Variants in CSMD1 observed in about 807,000 individuals in gnomAD.
CSMD1 encodes the protein CUB and Sushi multiple domains 1, also known as CUB and sushi domain-containing protein 1.
Under a neutral mutation model 417.5 loss-of-function variants are expected in CSMD1, and 213 were observed. The observed-to-expected ratio is 0.51, with a 90% CI of 0.46 to 0.57. The LOEUF (loss-of-function observed/expected upper bound fraction) is 0.57, where lower values mean the gene tolerates loss of function less well. CSMD1 is among the 20% of genes least tolerant of loss of function. The pLI is 0.00. For missense variants in CSMD1, 6,923 were observed against 4,529.7 expected, an observed-to-expected ratio of 1.53 and a Z score of -15.17; for synonymous variants, 2,862 against 1,736.8, an observed-to-expected ratio of 1.65 and a Z score of -16.11.
Position 4,944,805 on chromosome 8 carries a change from G to A in CSMD1, c.85+49527C>T, listed in dbSNP as rs1013894003. ...AACCCGCTGCACTCTTGGTGGGAAT[G>A]CAAAATGGTGCGTGGTGGCTACTGT... On this transcript the variant is annotated intron_variant, in intron 1 of 69. Transcript: ENST00000635120. Among the ~76,000 whole-genome samples the A allele has an allele frequency of 4.6e-5, 7 of 152,280 alleles. No homozygotes were observed. In the South Asian group the frequency reaches 1.2e-3, roughly 27 times the overall value.
At chr8:3,850,420 C>T (rs567782973) in intron 5 of CSMD1, among the ~76,000 whole-genome samples, 1 of 152,192 alleles carries the variant, frequency 6.6e-6, no homozygotes, top group Non-Finnish European at 1.5e-5. Context: ...TTAAGCCTGG[C>T]ATGGTGGCTC....
At chr8:3,104,487 G>T (rs1344676765) in intron 46 of CSMD1, among the ~76,000 whole-genome samples, 2 of 151,890 alleles carry the variant, frequency 1.3e-5, no homozygotes, top group Non-Finnish European at 1.5e-5. Flanking sequence ...TCAGGTAGCG[G>T]TTTCCTGTAA....
At chr8:4,589,069 A>G (rs949972153) in intron 2 of CSMD1, among the ~76,000 whole-genome samples, 1 of 152,122 alleles carries the variant, frequency 6.6e-6, no homozygotes, top group Non-Finnish European at 1.5e-5. Flanking sequence ...GTAAAAATAG[A>G]AAAATAAAAA....
At chr8:4,705,487 A>G (rs1807874419) in intron 1 of CSMD1, among the ~76,000 whole-genome samples, 1 of 152,106 alleles carries the variant, frequency 6.6e-6, no homozygotes. Flanking sequence ...TACAATTGCA[A>G]TTATCCTCTC....
chr8:4,001,884 G>C (rs936556471), intron 4 of CSMD1, among the ~76,000 whole-genome samples: 9 of 150,688 alleles, frequency 6.0e-5, no homozygotes, highest in African/African-American at 1.2e-4. Flanking sequence ...AAACAATTAA[G>C]GTAGCACAGA....
chr8:4,244,136 A>C (rs1033516828), intron 3 of CSMD1, among the ~76,000 whole-genome samples: 1 of 152,200 alleles, frequency 6.6e-6, no homozygotes, highest in Non-Finnish European at 1.5e-5. Context: ...TTCGCGCAGC[A>C]CAAGTAGATT....
chr8:3,489,965 TTTAA>T (rs1291763563), intron 11 of CSMD1, among the ~76,000 whole-genome samples: 2 of 152,250 alleles, frequency 1.3e-5, no homozygotes, highest in Non-Finnish European at 2.9e-5. Context: ...CTGACTAGTA[TTTAA>T]ACTATTCCAG....
intron 1 of CSMD1, among the ~76,000 whole-genome samples, chr8:4,878,478 G>A (rs558011556): frequency 2.0e-5 from 3 of 151,890 alleles, no homozygotes; most frequent in East Asian, 1.9e-4. Flanking sequence ...AGGTAAGACA[G>A]CATAGAATCA....
chr8:3,846,873 T>C (rs200755186), intron 5 of CSMD1, among the ~76,000 whole-genome samples: 8 of 152,088 alleles, frequency 5.3e-5, no homozygotes, highest in Admixed American at 3.3e-4. Context: ...CAGGGTTTCA[T>C]CATGTTGGCC....
chr8:3,238,322 G>C (rs1403036994), intron 26 of CSMD1, among the ~76,000 whole-genome samples: 1 of 152,220 alleles, frequency 6.6e-6, no homozygotes, highest in South Asian at 2.1e-4. Context: ...AATGTCATCA[G>C]TTAAGGCAGG....
intron 3 of CSMD1, among the ~76,000 whole-genome samples, chr8:4,239,638 G>A (rs1241650984): frequency 6.6e-6 from 1 of 152,178 alleles, no homozygotes; most frequent in Non-Finnish European, 1.5e-5. Context: ...CCAAACTGCT[G>A]CAGCCATGCT....
intron 12 of CSMD1, among the ~76,000 whole-genome samples, chr8:3,468,405 G>A (rs577763287): frequency 6.6e-6 from 1 of 152,114 alleles, no homozygotes; most frequent in Admixed American, 6.6e-5. Flanking sequence ...AGAGACACCA[G>A]CCAATATGAT....
intron 5 of CSMD1, among the ~76,000 whole-genome samples, chr8:3,981,932 G>A (rs998362816): frequency 6.6e-6 from 1 of 152,050 alleles, no homozygotes; most frequent in African/African-American, 2.4e-5. Flanking sequence ...GGCACTTTGG[G>A]AGGCCGAGGC....
At chr8:3,361,575 C>G (rs1411456955) in intron 20 of CSMD1, among the ~76,000 whole-genome samples, 2 of 149,116 alleles carry the variant, frequency 1.3e-5, no homozygotes, top group East Asian at 4.0e-4. Context: ...TCGCTTGAAC[C>G]CTGGAGGTGG....
intron 5 of CSMD1, among the ~76,000 whole-genome samples, chr8:3,942,840 A>G (rs1369124855): frequency 2.0e-5 from 3 of 152,202 alleles, no homozygotes; most frequent in African/African-American, 7.2e-5. Context: ...TGATTGAGCT[A>G]TAGTATCGTC....
chr8:3,409,464 T>C lies in CSMD1; in HGVS notation c.1703A>G (p.Gln568Arg), dbSNP rs1309719164. The C allele has an allele frequency of 6.2e-7, 1 of 1,611,650 alleles. No homozygotes were observed. The highest frequency in any genetic ancestry group is 8.5e-7 in the Non-Finnish European group (1 of 1,179,004). Residue 568 changes from glutamine (Q) to arginine (R), a missense_variant, in exon 13 of 70, where the codon CAG becomes CGG. Transcript: ENST00000635120. The part of the protein sequence containing the change: ...ELVGERVITC[Q>R]QNNQWSGNKP... ...GTTGCCAGACCACTGATTGTTCTGC[T>C]GACAGGTGATAACTCTCTCCCCCAC...
At chr8:3,945,968 A>G (rs150724749) in intron 5 of CSMD1, among the ~76,000 whole-genome samples, 1 of 152,128 alleles carries the variant, frequency 6.6e-6, no homozygotes, top group African/African-American at 2.4e-5. Context: ...ATTTATTGAA[A>G]GGTTATGTTC....
At chr8:4,394,967 A>G (rs955317946) in intron 3 of CSMD1, among the ~76,000 whole-genome samples, 50 of 152,194 alleles carry the variant, frequency 3.3e-4, no homozygotes, top group Non-Finnish European at 1.2e-4. Flanking sequence ...GGGAAGAGTT[A>G]ATTCACAGTT....
chr8:4,092,262 T>A (rs534907823), intron 3 of CSMD1, among the ~76,000 whole-genome samples: 22 of 152,258 alleles, frequency 1.4e-4, no homozygotes, highest in Admixed American at 1.4e-3. Flanking sequence ...CTCCATTAAT[T>A]TGTTCCAACC....
Sources: allele counts gnomAD v4.1 joint callset (sites outside exome capture counted in the v4.1 genomes callset), GRCh38; gene constraint gnomAD v4.1.1; transcripts MANE v1.5; gene names NCBI Gene and HGNC (gene_info 2026-07-23, HGNC 2026-07-21).